INTU: variants seen among roughly 807,000 people sequenced by gnomAD.
INTU encodes the protein inturned planar cell polarity protein.
Under a neutral mutation model 100.5 loss-of-function variants are expected in INTU, and 68 were observed. That is an observed-to-expected ratio of 0.68 (90% confidence interval 0.56 to 0.83). The LOEUF (loss-of-function observed/expected upper bound fraction) is 0.83. INTU is among the 40% of genes least tolerant of loss of function. The pLI, the probability that INTU is intolerant of heterozygous loss-of-function variation, is 0.00. For missense variants in INTU, 1,071 were observed against 1,114.7 expected, an observed-to-expected ratio of 0.96 and a Z score of 0.56; for synonymous variants, 357 against 395.7, an observed-to-expected ratio of 0.90 and a Z score of 1.16.
chr4:127,690,146 A>C (rs1730050631), intron 8 of INTU, among the ~76,000 whole-genome samples: 1 of 152,192 alleles, frequency 6.6e-6, no homozygotes, highest in Non-Finnish European at 1.5e-5. Context: ...AGATGTTCTA[A>C]AGTATTGTCT....
At chr4:127,687,648 C>T (rs774065775) in intron 7 of INTU, 30 bp from the exon 8 acceptor site, 17 of 1,564,894 alleles carry the variant, frequency 1.1e-5, no homozygotes, top group Middle Eastern at 1.7e-4. Context: ...TTCCATATGT[C>T]GTTCTAACTT....
intron 1 of INTU, among the ~76,000 whole-genome samples, chr4:127,642,760 T>C (rs2126177027): frequency 6.6e-6 from 1 of 152,264 alleles, no homozygotes; most frequent in South Asian, 2.1e-4. Context: ...TCAATCATTT[T>C]AATAGCAGTA....
intron 6 of INTU, among the ~76,000 whole-genome samples, chr4:127,674,791 T>C (rs540287359): frequency 3.9e-5 from 6 of 152,304 alleles, no homozygotes; most frequent in African/African-American, 1.4e-4. Context: ...GGGACTGCAT[T>C]AGGTACTTTA....
chr4:127,679,466 A>G lies in INTU; in HGVS notation c.1182-4943A>G, dbSNP rs532399374. Among the ~76,000 whole-genome samples the G allele has an allele frequency of 7.2e-5, 11 of 152,346 alleles. No homozygotes were observed. The South Asian group carries it at 1.5e-3, about 20-fold the overall frequency. ...TAAGAAACTCACTCAAAACCGCTCA[A>G]CTGCATGGAAACTGATCAACCTCCT... On this transcript the variant is annotated intron_variant, in intron 6 of 15. Transcript: ENST00000335251.
chr4:127,677,306 G>A (rs1729260680), intron 6 of INTU, among the ~76,000 whole-genome samples: 2 of 151,942 alleles, frequency 1.3e-5, no homozygotes, highest in African/African-American at 4.9e-5. Context: ...CCTCAAGTGG[G>A]TCCCTGACCC....
Position 127,674,142 on chromosome 4 carries a change from T to A in INTU, c.1110T>A (p.Asn370Lys), listed in dbSNP as rs780119950. Reference protein sequence around the residue: ...TQVTSSSLLLNGKQIHVAYWK... With the variant: ...TQVTSSSLLLKGKQIHVAYWK... The stretch of plus-strand genomic sequence containing the variant: ...TTCTTAGTTCATCCCTCCTTTTAAA[T>A]GGAAAACAAATTCATGTGGCTTATT... Residue 370 changes from asparagine (N) to lysine (K), a missense_variant, in exon 6 of 16, where the codon AAT (asparagine) becomes AAA (lysine). Coordinates refer to ENST00000335251, the MANE Select transcript of INTU (RefSeq NM_015693.4). The A allele has an allele frequency of 1.2e-6, 2 of 1,611,792 alleles. No homozygotes were observed. Among genetic ancestry groups the A allele is most frequent in the Admixed American group, 3.3e-5 (2 of 59,858 alleles).
Position 127,722,506 on chromosome 4 carries a change from C to T in INTU, c.*6070C>T, listed in dbSNP as rs1731360526. Reference sequence around the variant, plus strand: ...GTGTGCTACACTGGGGGGAATCCCCCTCATCTGGACTGCCTTGACTCTCCA... The same window carrying T: ...GTGTGCTACACTGGGGGGAATCCCCTTCATCTGGACTGCCTTGACTCTCCA... On this transcript the variant is annotated 3_prime_UTR_variant, in exon 16 of 16. Coordinates refer to ENST00000335251, the MANE Select transcript of INTU (RefSeq NM_015693.4). The T allele has an allele frequency of 6.6e-6, 1 of 152,288 alleles. No individual in the cohort carries two copies. The highest frequency in any genetic ancestry group is 6.5e-5 in the Admixed American group (1 of 15,284). 9.4% of individuals were successfully genotyped at this position (152,288 alleles called of 1,614,324 possible).
chr4:127,723,433 T>C lies in INTU; in HGVS notation c.*6997T>C, dbSNP rs760583882. 2 of 148,878 alleles carry C rather than the reference T, an allele frequency of 1.3e-5. No homozygotes were observed. The highest frequency in any genetic ancestry group is 1.3e-4 in the Admixed American group (2 of 14,966). 9.2% of individuals were successfully genotyped at this position (148,878 alleles called of 1,614,324 possible). On this transcript the variant is annotated 3_prime_UTR_variant, in exon 16 of 16. Transcript: ENST00000335251. ...TCTTGCATGTTGGTCACCTCCTAAA[T>C]TAGTAATGTCCAAGTACTTATTCCT...
Position 127,669,088 on chromosome 4 carries a change from G to A in INTU, c.1025G>A (p.Ser342Asn). ...TCTGAAGCATCTCAGAAACTTAAAA[G>A]TGTGAGAGGGATTTTTCTCACACTC... Reference protein sequence around the residue: ...PMSEASQKLKSVRGIFLTLCD... With the variant: ...PMSEASQKLKNVRGIFLTLCD... Residue 342 changes from serine (S) to asparagine (N), a missense_variant, in exon 5 of 16, where the codon AGT (serine) becomes AAT (asparagine). Physicochemically the swap from Ser to Asn is conservative, Grantham distance 46. Transcript: ENST00000335251. 1 of 1,551,996 alleles carries A rather than the reference G, an allele frequency of 6.4e-7. No homozygotes were observed. Among genetic ancestry groups the A allele is most frequent in the Non-Finnish European group, 8.8e-7 (1 of 1,142,080 alleles).
Position 127,675,386 on chromosome 4 carries a change from T to C in INTU, c.1181+1173T>C, listed in dbSNP as rs529860262. 1.3e-3 allele frequency among the ~76,000 whole-genome samples: 205 copies of C among 152,314 alleles called. 1 individual carries two copies. The highest frequency in any genetic ancestry group is 4.7e-3 in the African/African-American group (196 of 41,576). ...ATGCATTATCTAGCCAATCTGAACG[T>C]GAATATGACTATTTTTTATTACTAA... On this transcript the variant is annotated intron_variant, in intron 6 of 15. Transcript: ENST00000335251.
At chr4:127,680,047 A>C (rs1729449371) in intron 6 of INTU, among the ~76,000 whole-genome samples, 1 of 145,356 alleles carries the variant, frequency 6.9e-6, no homozygotes, top group Admixed American at 6.8e-5. Context: ...TCCCAAGACT[A>C]AACCAGGAAG....
chr4:127,691,962 G>GTGTGTGTATATATATATATATA lies in INTU; in HGVS notation c.1449+4096_1449+4097insGTGTGTATATATATATATATAT. 7.0e-3 allele frequency among the ~76,000 whole-genome samples: 685 copies of GTGTGTGTATATATATATATATA among 98,240 alleles called. 50 individuals are homozygous for GTGTGTGTATATATATATATATA. The highest frequency in any genetic ancestry group is 0.027 in the African/African-American group (663 of 24,916). The allele number at this position is 98,240 out of a possible 152,430, so 64.4% of individuals were successfully genotyped here. On this transcript the variant is annotated intron_variant, in intron 8 of 15. Transcript: ENST00000335251. Reference sequence around the variant, plus strand: ...GGCGGAGTATAGTGTTCCATGGTATGTATATATATATATATATATGTCACA... The same window carrying GTGTGTGTATATATATATATATA: ...GGCGGAGTATAGTGTTCCATGGTATGTGTGTGTATATATATATATATATATATATATATATATATATGTCACA...
At chr4:127,647,793 A>G (rs1727655589) in intron 2 of INTU, among the ~76,000 whole-genome samples, 1 of 152,184 alleles carries the variant, frequency 6.6e-6, no homozygotes, top group South Asian at 2.1e-4. Flanking sequence ...ATTTTGTTAT[A>G]TATCCTCCCT....
Position 127,633,084 on chromosome 4 carries a change from C to T in INTU, c.50C>T (p.Pro17Leu), listed in dbSNP as rs1726905638. Reference sequence around the variant, plus strand: ...TCGCGTCCGAGCTCAGACGAGCTCCCTGGAGACCCCTCTTCACAAGAAGAA... The same window carrying T: ...TCGCGTCCGAGCTCAGACGAGCTCCTTGGAGACCCCTCTTCACAAGAAGAA... ...CDSRPSSDEL[P>L]GDPSSQEEDE... is the part of the protein sequence containing the mutation. The change falls in exon 1 of 16, where the codon CCT (proline) becomes CTT (leucine). Residue 17 changes from proline (P) to leucine (L), a missense_variant. Pro to Leu is a moderately conservative substitution (Grantham distance 98). Coordinates refer to ENST00000335251, the MANE Select transcript of INTU (RefSeq NM_015693.4). The T allele has an allele frequency of 6.2e-7, 1 of 1,614,038 alleles. No homozygotes were observed. The highest frequency in any genetic ancestry group is 8.5e-7 in the Non-Finnish European group (1 of 1,179,904).
intron 8 of INTU, among the ~76,000 whole-genome samples, chr4:127,697,996 T>C (rs1481641227): frequency 6.6e-6 from 1 of 152,136 alleles, no homozygotes; most frequent in Non-Finnish European, 1.5e-5. Context: ...GGTGCATGCC[T>C]GTAATCCCAG....
Position 127,652,278 on chromosome 4 carries a change from C to T in INTU, c.683-4358C>T, listed in dbSNP as rs552531836. ...TATGTTGAATAGGAGTGGTGAGAGA[C>T]GGCATCCCTGTCTTGTGCCAGTTTT... On this transcript the variant is annotated intron_variant, in intron 2 of 15. Coordinates refer to ENST00000335251, the MANE Select transcript of INTU (RefSeq NM_015693.4). 1.9e-3 allele frequency among the ~76,000 whole-genome samples: 278 copies of T among 145,714 alleles called. 1 individual carries two copies. The highest frequency in any genetic ancestry group is 6.1e-3 in the East Asian group (31 of 5,080).
intron 2 of INTU, among the ~76,000 whole-genome samples, chr4:127,653,042 G>A (rs1727976133): frequency 6.6e-6 from 1 of 151,662 alleles, no homozygotes; most frequent in Non-Finnish European, 1.5e-5. Context: ...ATGGTAGTTT[G>A]TATTTCTGTG....
Position 127,643,839 on chromosome 4 carries a change from A to G in INTU, c.465A>G (p.Gln155=). Residue 155 remains glutamine, a synonymous_variant, in exon 2 of 16, where the codon CAA becomes CAG. Transcript: ENST00000335251. Reference sequence around the variant, plus strand: ...ATCAGAAGACAGGAGTCATTGTCCAACAGCGATACAAAGATGTGAATGTTT... The same window carrying G: ...ATCAGAAGACAGGAGTCATTGTCCAGCAGCGATACAAAGATGTGAATGTTT... ...QSNQKTGVIV[Q]QRYKDVNVYV... is the part of the protein sequence containing the mutation. 2 of 1,614,108 alleles carry G rather than the reference A, an allele frequency of 1.2e-6. No homozygotes were observed. The highest frequency in any genetic ancestry group is 8.5e-7 in the Non-Finnish European group (1 of 1,180,016).
At chr4:127,674,911 G>T (rs1379597295) in intron 6 of INTU, among the ~76,000 whole-genome samples, 1 of 152,174 alleles carries the variant, frequency 6.6e-6, no homozygotes, top group Non-Finnish European at 1.5e-5. Flanking sequence ...TCAGTAACTT[G>T]CCAAAGCTCG....
Sources: gnomAD v4.1 joint callset for allele counts (sites outside exome capture counted in the v4.1 genomes callset) on GRCh38, gnomAD v4.1.1 for gene constraint, MANE v1.5 for transcripts, NCBI Gene and HGNC (gene_info 2026-07-23, HGNC 2026-07-21) for gene names.